OTUD7A: variants seen among roughly 807,000 people sequenced by gnomAD.
OTUD7A encodes the protein OTU domain-containing protein 7A.
A neutral mutation model predicts 65.7 loss-of-function variants in OTUD7A; 12 were observed. The observed-to-expected ratio is 0.18, with a 90% CI of 0.12 to 0.30. The LOEUF (loss-of-function observed/expected upper bound fraction) is 0.30. Ranked by LOEUF, OTUD7A falls within the 10% of genes least tolerant of loss-of-function variation. OTUD7A has a pLI of 1.00. For missense variants in OTUD7A, 1,148 were observed against 1,304.8 expected, an observed-to-expected ratio of 0.88 and a Z score of 1.85; for synonymous variants, 641 against 586.3, an observed-to-expected ratio of 1.09 and a Z score of -1.35.
chr15:31,797,907 T>C (rs12904812), intron 1 of OTUD7A, among the ~76,000 whole-genome samples: 142,487 of 152,192 alleles, frequency 0.94, 67,414 homozygotes, highest in East Asian at 1. Context: ...GCATTCACTT[T>C]GCACCGTTCT....
At chr15:31,817,796 C>T (rs568440250) in intron 1 of OTUD7A, among the ~76,000 whole-genome samples, 41 of 152,348 alleles carry the variant, frequency 2.7e-4, no homozygotes, top group African/African-American at 8.7e-4. Flanking sequence ...ACCTGCTGCC[C>T]ACCTGCCTTT....
rs1045615747 is a variant in OTUD7A at position 31,802,731 on chromosome 15, C to T, written c.-100+67776G>A. On this transcript the variant is annotated intron_variant, in intron 1 of 12. Coordinates refer to ENST00000307050, the MANE Select transcript of OTUD7A (RefSeq NM_001382637.1). ...ACATCTCACATCTTTTTTAATAGAC[C>T]GGCTTATTTTATAGAAAATAATTAA... Among the ~76,000 whole-genome samples, 5 of 152,172 alleles carry T rather than the reference C, an allele frequency of 3.3e-5. No individual in the cohort carries two copies. The South Asian group carries it at 1.0e-3, about 32-fold the overall frequency.
intron 1 of OTUD7A, among the ~76,000 whole-genome samples, chr15:31,821,982 G>T (rs958353164): frequency 4.6e-5 from 7 of 152,202 alleles, no homozygotes; most frequent in African/African-American, 1.7e-4. Context: ...TGGGTTCTAA[G>T]AGTTCTTTAT....
intron 1 of OTUD7A, among the ~76,000 whole-genome samples, chr15:31,788,903 G>A (rs1895742803): frequency 6.6e-6 from 1 of 152,098 alleles, no homozygotes; most frequent in South Asian, 2.1e-4. Context: ...TTTTGCATAT[G>A]AACAGGCTGA....
At chr15:31,644,755 A>G (rs554597443) in intron 3 of OTUD7A, among the ~76,000 whole-genome samples, 33 of 152,312 alleles carry the variant, frequency 2.2e-4, no homozygotes, top group Admixed American at 3.9e-4. Flanking sequence ...TTGGGATTAC[A>G]GGTATGAGCT....
chr15:31,710,631 G>A (rs1257624230), intron 1 of OTUD7A, among the ~76,000 whole-genome samples: 2 of 152,186 alleles, frequency 1.3e-5, no homozygotes, highest in Admixed American at 6.5e-5. Flanking sequence ...TTCTGCTGCC[G>A]GGTGGAATGA....
chr15:31,764,574 C>T (rs181963511), intron 1 of OTUD7A, among the ~76,000 whole-genome samples: 5 of 152,230 alleles, frequency 3.3e-5, no homozygotes, highest in Admixed American at 3.3e-4. Flanking sequence ...GTCATTTATA[C>T]TTGGCAAGCG....
chr15:31,822,578 C>T (rs181692674), intron 1 of OTUD7A, among the ~76,000 whole-genome samples: 28 of 152,214 alleles, frequency 1.8e-4, no homozygotes, highest in African/African-American at 6.7e-4. Flanking sequence ...TCTTTGTGGG[C>T]AGAGAAGAAA....
intron 1 of OTUD7A, among the ~76,000 whole-genome samples, chr15:31,678,454 C>T (rs901330940): frequency 6.6e-6 from 1 of 152,196 alleles, no homozygotes; most frequent in African/African-American, 2.4e-5. Flanking sequence ...CCTCCCATCA[C>T]AAGCCAGGAG....
At chr15:31,522,308 T>C (rs572349130) in intron 8 of OTUD7A, among the ~76,000 whole-genome samples, 5 of 152,316 alleles carry the variant, frequency 3.3e-5, no homozygotes, top group Admixed American at 6.5e-5. Flanking sequence ...CCAAACCTGT[T>C]TGAGCTGGGA....
At chr15:31,547,484 C>G (rs1454508725) in intron 5 of OTUD7A, among the ~76,000 whole-genome samples, 1 of 152,174 alleles carries the variant, frequency 6.6e-6, no homozygotes, top group Non-Finnish European at 1.5e-5. Context: ...TAACTCCCAC[C>G]TGAACACATG....
At chr15:31,556,623 T>TA (rs1437520327) in intron 5 of OTUD7A, 2 of 152,140 alleles carry the variant, frequency 1.3e-5, no homozygotes, top group Non-Finnish European at 2.9e-5. Flanking sequence ...AAGGAGAAGG[T>TA]AACATGGTGG....
intron 3 of OTUD7A, among the ~76,000 whole-genome samples, chr15:31,621,611 T>C (rs1890786517): frequency 6.6e-6 from 1 of 152,252 alleles, no homozygotes; most frequent in Non-Finnish European, 1.5e-5. Flanking sequence ...TGTTTTCCAT[T>C]TGCTTGGTAG....
chr15:31,855,292 T>C (rs1004914024), intron 1 of OTUD7A, among the ~76,000 whole-genome samples: 2 of 152,214 alleles, frequency 1.3e-5, no homozygotes, highest in African/African-American at 4.8e-5. Flanking sequence ...TTCTCATAAC[T>C]CTGTGCTAAA....
At chr15:31,670,550 CATAT>C (rs1209305080) in intron 1 of OTUD7A, among the ~76,000 whole-genome samples, 2 of 152,218 alleles carry the variant, frequency 1.3e-5, no homozygotes, top group African/African-American at 4.8e-5. Flanking sequence ...AGCTCTATTT[CATAT>C]GTTTGTTAGC....
At chr15:31,840,693 C>T (rs1056285395) in intron 1 of OTUD7A, among the ~76,000 whole-genome samples, 1 of 152,092 alleles carries the variant, frequency 6.6e-6, no homozygotes, top group Admixed American at 6.5e-5. Flanking sequence ...GAAAATACCA[C>T]ACAAGAACAG....
intron 1 of OTUD7A, among the ~76,000 whole-genome samples, chr15:31,784,697 C>T (rs1895627139): frequency 6.6e-6 from 1 of 152,138 alleles, no homozygotes; most frequent in African/African-American, 2.4e-5. Context: ...CATCCTAAAG[C>T]ATTTGCTTCA....
intron 1 of OTUD7A, among the ~76,000 whole-genome samples, chr15:31,773,246 T>C (rs993916053): frequency 2.0e-5 from 3 of 152,258 alleles, no homozygotes; most frequent in Non-Finnish European, 4.4e-5. Flanking sequence ...GAATTCATTA[T>C]CTGGTGAAGC....
At chr15:31,668,781 C>G (rs1317512677) in intron 1 of OTUD7A, among the ~76,000 whole-genome samples, 2 of 152,198 alleles carry the variant, frequency 1.3e-5, no homozygotes, top group Non-Finnish European at 2.9e-5. Flanking sequence ...TGGGTAAGCT[C>G]TGTCAGAGGG....
Sources: gnomAD v4.1 joint callset for allele counts (sites outside exome capture counted in the v4.1 genomes callset) on GRCh38, gnomAD v4.1.1 for gene constraint, MANE v1.5 for transcripts, NCBI Gene and HGNC (gene_info 2026-07-23, HGNC 2026-07-21) for gene names.